JAZF1: variants seen among roughly 807,000 people sequenced by gnomAD.
JAZF1 encodes juxtaposed with another zinc finger protein 1.
JAZF1 carries 8 observed loss-of-function variants against 26.4 expected under a neutral mutation model. The observed-to-expected ratio is 0.30, with a 90% CI of 0.18 to 0.55. JAZF1 has a LOEUF of 0.55. Ranked by LOEUF, JAZF1 falls within the 20% of genes least tolerant of loss-of-function variation. The pLI, the probability that JAZF1 is intolerant of heterozygous loss-of-function variation, is 0.94. For missense variants in JAZF1, 199 were observed against 322.0 expected (o/e 0.62, Z 2.92); for synonymous variants, 126 against 122.3 (o/e 1.03, Z -0.20).
chr7:28,113,459 A>C (rs1784694923), intron 1 of JAZF1, among the ~76,000 whole-genome samples: 1 of 152,164 alleles, frequency 6.6e-6, no homozygotes, highest in Non-Finnish European at 1.5e-5. Flanking sequence ...GCCCACTACG[A>C]AAGGACATAC....
chr7:28,092,317 A>AC (rs1562584265), intron 1 of JAZF1, among the ~76,000 whole-genome samples: 2 of 142,020 alleles, frequency 1.4e-5, no homozygotes, highest in African/African-American at 2.6e-5. Flanking sequence ...AAAAAAAAAA[A>AC]AAAAAAAAAC....
At chr7:27,973,061 C>T (rs1215171817) in intron 2 of JAZF1, among the ~76,000 whole-genome samples, 1 of 150,810 alleles carries the variant, frequency 6.6e-6, no homozygotes, top group Non-Finnish European at 1.5e-5. Context: ...TGCATATCTC[C>T]ATACAGGGAG....
chr7:27,840,837 T>C lies in JAZF1; in HGVS notation c.416A>G (p.Tyr139Cys). The part of the protein sequence containing the change: ...GSEYDEEEVD[Y>C]EESDSDESWT... ...GGACTCATCGCTGTCCGACTCCTCA[T>C]AGTCCACCTCCTCCTCGTCATACTC... Residue 139 changes from tyrosine (Y) to cysteine (C), a missense_variant, in exon 4 of 5, where the codon TAT (tyrosine) becomes TGT (cysteine). Tyr to Cys is a radical substitution (Grantham distance 194). Coordinates refer to ENST00000283928, the MANE Select transcript of JAZF1 (RefSeq NM_175061.4). This position sits in a 1 kb window ranked among gnomAD's most constrained non-coding sequence, Gnocchi z 5.1. 9 of 1,614,186 alleles carry C rather than the reference T, an allele frequency of 5.6e-6. No homozygotes were observed. The highest frequency in any genetic ancestry group is 7.6e-6 in the Non-Finnish European group (9 of 1,180,014).
Position 27,840,158 on chromosome 7 carries a change from A to G in JAZF1, c.555+540T>C, listed in dbSNP as rs1782894658. ...AAGTGGATGGTTTGGTGAGAAAAAT[A>G]TCAAAGGCCTTTTTTCTCCTGATCC... is the stretch of plus-strand genomic sequence containing the variant. On this transcript the variant is annotated intron_variant, in intron 4 of 4. Coordinates refer to ENST00000283928, the MANE Select transcript of JAZF1 (RefSeq NM_175061.4). This position sits in a 1 kb window ranked among gnomAD's most constrained non-coding sequence, Gnocchi z 5.1. Among the ~76,000 whole-genome samples, 1 of 152,194 alleles carries G rather than the reference A, an allele frequency of 6.6e-6. No homozygotes were observed. Among genetic ancestry groups the G allele is most frequent in the South Asian group, 2.1e-4 (1 of 4,818 alleles).
At chr7:28,007,015 A>G (rs531508145) in intron 1 of JAZF1, among the ~76,000 whole-genome samples, 1 of 152,326 alleles carries the variant, frequency 6.6e-6, no homozygotes, top group South Asian at 2.1e-4. Context: ...AGCACATGGA[A>G]CACTTTCCAG....
At chr7:27,985,647 CAA>C (rs544083854) in intron 2 of JAZF1, among the ~76,000 whole-genome samples, 1 of 151,966 alleles carries the variant, frequency 6.6e-6, no homozygotes, top group Non-Finnish European at 1.5e-5. Flanking sequence ...AGAGACACAA[CAA>C]AAAAAGAGAA....
At chr7:27,880,415 A>T (rs1365819355) in intron 3 of JAZF1, among the ~76,000 whole-genome samples, 6 of 152,090 alleles carry the variant, frequency 3.9e-5, no homozygotes, top group Non-Finnish European at 8.8e-5. Context: ...TGGGCGGATC[A>T]CGAGGTCAGG....
intron 2 of JAZF1, among the ~76,000 whole-genome samples, chr7:27,921,815 C>A (rs1429066424): frequency 6.6e-6 from 1 of 152,058 alleles, no homozygotes; most frequent in Non-Finnish European, 1.5e-5. Context: ...TAGGACTGCT[C>A]GAGACCAGGA....
At chr7:27,849,852 C>T (rs111679973) in intron 3 of JAZF1, among the ~76,000 whole-genome samples, 6 of 152,084 alleles carry the variant, frequency 3.9e-5, no homozygotes, top group African/African-American at 1.2e-4. Context: ...GCTTCTGCCA[C>T]GTTTGCTCTC....
At chr7:28,114,131 G>A (rs932132451) in intron 1 of JAZF1, among the ~76,000 whole-genome samples, 2 of 152,156 alleles carry the variant, frequency 1.3e-5, no homozygotes, top group African/African-American at 2.4e-5. Context: ...AACTTTCCAC[G>A]GAGTTGGTAA....
At chr7:27,877,508 GTA>G (rs1418611730) in intron 3 of JAZF1, among the ~76,000 whole-genome samples, 1 of 152,156 alleles carries the variant, frequency 6.6e-6, no homozygotes, top group Non-Finnish European at 1.5e-5. Flanking sequence ...GTAGGTGGTT[GTA>G]TGTGTTCCTT....
intron 1 of JAZF1, among the ~76,000 whole-genome samples, chr7:28,049,748 T>C (rs1386783423): frequency 6.6e-6 from 1 of 152,116 alleles, no homozygotes; most frequent in African/African-American, 2.4e-5. Context: ...ATTTACCCAT[T>C]TACTATAAAG....
chr7:27,971,118 T>A (rs2128359646), intron 2 of JAZF1, among the ~76,000 whole-genome samples: 1 of 152,362 alleles, frequency 6.6e-6, no homozygotes, highest in Middle Eastern at 3.4e-3. Context: ...TCATTCTTCC[T>A]AATTTCAATA....
intron 1 of JAZF1, among the ~76,000 whole-genome samples, chr7:28,088,162 G>A (rs1036904326): frequency 1.3e-5 from 2 of 152,174 alleles, no homozygotes; most frequent in Non-Finnish European, 2.9e-5. Context: ...TTAACACCAC[G>A]GGGCTACAAT....
At chr7:27,942,803 A>T (rs1200401073) in intron 2 of JAZF1, among the ~76,000 whole-genome samples, 1 of 152,348 alleles carries the variant, frequency 6.6e-6, no homozygotes, top group Middle Eastern at 3.4e-3. Flanking sequence ...ACAATCAACA[A>T]TAAGTGCCTT....
chr7:28,149,564 G>A (rs933012163), intron 1 of JAZF1, among the ~76,000 whole-genome samples: 4 of 152,110 alleles, frequency 2.6e-5, no homozygotes, highest in Non-Finnish European at 4.4e-5. Flanking sequence ...GAACTTCTCA[G>A]TGTCAGAAAT....
intron 3 of JAZF1, among the ~76,000 whole-genome samples, chr7:27,865,232 C>T (rs1783453531): frequency 1.3e-5 from 2 of 152,076 alleles, no homozygotes; most frequent in Admixed American, 6.6e-5. Flanking sequence ...TAGCCAGGTG[C>T]AGTAGCACAC....
intron 1 of JAZF1, among the ~76,000 whole-genome samples, chr7:28,004,523 G>T (rs891576961): frequency 1.3e-5 from 2 of 152,180 alleles, no homozygotes; most frequent in African/African-American, 4.8e-5. Context: ...ATAGAGAACT[G>T]GTTGGGAAAG....
chr7:27,982,578 T>C (rs1785607463), intron 2 of JAZF1, among the ~76,000 whole-genome samples: 1 of 152,216 alleles, frequency 6.6e-6, no homozygotes, highest in Non-Finnish European at 1.5e-5. Flanking sequence ...TAAACGTCCC[T>C]GTCTGACAGC....
Sources: allele counts gnomAD v4.1 joint callset (sites outside exome capture counted in the v4.1 genomes callset), GRCh38; gene constraint gnomAD v4.1.1; non-coding constraint Gnocchi (gnomAD v3.1); transcripts MANE v1.5; gene names NCBI Gene and HGNC (gene_info 2026-07-23, HGNC 2026-07-21).